Variants in UBTF observed in about 807,000 individuals in gnomAD.
UBTF encodes nucleolar transcription factor 1.
A neutral mutation model predicts 112.3 loss-of-function variants in UBTF; 8 were observed. The ratio of observed to expected loss-of-function variants is 0.07; its 90% confidence interval spans 0.04 to 0.13. The LOEUF (loss-of-function observed/expected upper bound fraction) is 0.13, where lower values mean the gene tolerates loss of function less well. UBTF is among the 10% of genes least tolerant of loss of function. UBTF has a pLI of 1.00. For synonymous variants in UBTF, 417 were observed against 373.1 expected (o/e 1.12, Z -1.36); for missense variants, 457 against 982.1 (o/e 0.47, Z 7.15).
At chr17:44,209,093 T>TTTTTTA in intron 17 of UBTF, 1 of 379,490 alleles carries the variant, frequency 2.6e-6, no homozygotes, top group South Asian at 3.1e-5. Flanking sequence ...CGCTTGAACC[T>TTTTTTA]GGGAGGTGGA....
intron 8 of UBTF, 55 bp from the exon 9 acceptor site, chr17:44,212,061 A>C: frequency 1.1e-6 from 1 of 916,364 alleles, no homozygotes; most frequent in Non-Finnish European, 1.6e-6. Flanking sequence ...TAGCTAGGGC[A>C]GGGGCAGGGG....
Position 44,206,389 on chromosome 17 carries a change from T to C in UBTF, c.*853A>G, listed in dbSNP as rs1448738832. The C allele has an allele frequency of 6.8e-6, 1 of 147,752 alleles. No individual in the cohort carries two copies. Among genetic ancestry groups the C allele is most frequent in the East Asian group, 2.0e-4 (1 of 4,978 alleles). The allele number at this position is 147,752 out of a possible 1,614,324, so 9.2% of individuals were successfully genotyped here. A position where few individuals can be genotyped will look rare whatever the true frequency, so the allele number is the denominator to read the frequency against. On this transcript the variant is annotated 3_prime_UTR_variant, in exon 21 of 21. Coordinates refer to ENST00000436088, the MANE Select transcript of UBTF (RefSeq NM_014233.4). ...TTTTTCCAGATTCACAACAAACTGA[T>C]GTGGGCTCTAGGACAGACCCCTTTA... is the stretch of plus-strand genomic sequence containing the variant.
chr17:44,207,535 A>T lies in UBTF; in HGVS notation c.2088T>A (p.Asp696Glu). The stretch of plus-strand genomic sequence containing the variant: ...CTTCAGAGGAGTCCCCATTCTCATC[A>T]TCTTCCTCTTCTTCATCCTCGTCCT... ...DDEDEDEEEE[D>E]DENGDSSEDG... is the part of the protein sequence containing the mutation. The change falls in exon 20 of 21, where the codon GAT becomes GAA. Residue 696 changes from aspartate (D) to glutamate (E), a missense_variant. Around this residue, in one of 7 missense-constraint regions of UBTF, gnomAD observed 139 missense variants for 157.5 expected, o/e 0.88. Transcript: ENST00000436088. The T allele has an allele frequency of 6.2e-7, 1 of 1,613,684 alleles. No individual in the cohort carries two copies. Among genetic ancestry groups the T allele is most frequent in the East Asian group, 2.2e-5 (1 of 44,844 alleles).
At position 44,209,740 on chromosome 17, in the gene UBTF, G is replaced by A. The variant is rs2056528187; in HGVS notation, c.1627-7C>T. 1 of 1,613,870 alleles carries A rather than the reference G, an allele frequency of 6.2e-7. No homozygotes were observed. Among genetic ancestry groups the A allele is most frequent in the Non-Finnish European group, 8.5e-7 (1 of 1,179,916 alleles). ...GCATCTCACTCAGCTCTCTCTGGAG[G>A]GAGAAAGGTCACGCTCACCCCCCAG... On this transcript the variant is annotated splice_region_variant and splice_polypyrimidine_tract_variant and intron_variant, in intron 15 of 20. Transcript: ENST00000436088.
chr17:44,219,258 C>A (rs182657248), intron 1 of UBTF, 187 bp downstream of exon 1: 3,333 of 151,156 alleles, frequency 0.022, 69 homozygotes, highest in East Asian at 0.059. Context: ...CGGGGCTCGG[C>A]TCAGGCCTCG....
intron 17 of UBTF, among the ~76,000 whole-genome samples, chr17:44,208,194 C>T (rs912810624): frequency 6.7e-6 from 1 of 150,154 alleles, no homozygotes; most frequent in South Asian, 2.1e-4. Flanking sequence ...CCTTGACCTT[C>T]CCAGGCTCAA....
At chr17:44,214,677 C>T (rs1282805124) in intron 5 of UBTF, among the ~76,000 whole-genome samples, 1 of 152,148 alleles carries the variant, frequency 6.6e-6, no homozygotes, top group Non-Finnish European at 1.5e-5. Flanking sequence ...GCACCAAGGG[C>T]ATGTGAGTCT....
At chr17:44,218,995 A>G (rs931768901) in intron 1 of UBTF, 2 of 84,362 alleles carry the variant, frequency 2.4e-5, no homozygotes, top group Admixed American at 3.0e-4. Context: ...CCGCCCAGCC[A>G]CCCCGACGCG....
At position 44,205,649 on chromosome 17, in the gene UBTF, C is replaced by T. The variant is rs541295042; in HGVS notation, c.*1593G>A. The stretch of plus-strand genomic sequence containing the variant: ...GCCTCTCTGGGACCAGGGCCCTTCA[C>T]CGTTCTTGCTCCACCTCCGCGGCAG... On this transcript the variant is annotated 3_prime_UTR_variant, in exon 21 of 21. Coordinates refer to ENST00000436088, the MANE Select transcript of UBTF (RefSeq NM_014233.4). The T allele has an allele frequency of 6.6e-6, 1 of 152,174 alleles. No homozygotes were observed. Among genetic ancestry groups the T allele is most frequent in the Non-Finnish European group, 1.5e-5 (1 of 68,038 alleles). The allele number at this position is 152,174 out of a possible 1,614,324, so 9.4% of individuals were successfully genotyped here.
chr17:44,218,312 C>G lies in UBTF; in HGVS notation c.-67-16G>C, dbSNP rs1314596116. The G allele has an allele frequency of 1.4e-6, 2 of 1,478,342 alleles. No homozygotes were observed. Among genetic ancestry groups the G allele is most frequent in the East Asian group, 4.5e-5 (2 of 44,234 alleles). 91.6% of individuals were successfully genotyped at this position (1,478,342 alleles called of 1,614,324 possible). A position where few individuals can be genotyped will look rare whatever the true frequency, so the allele number is the denominator to read the frequency against. On this transcript the variant is annotated splice_polypyrimidine_tract_variant and intron_variant, in intron 1 of 20. Transcript: ENST00000436088. ...CCACCTCACCCTTTGGAAGACATAC[C>G]AGTTCCCACTCAGGAAGGCTGAGAG...
rs1451055087 is a variant in UBTF at position 44,214,738 on chromosome 17, G to A, written c.474+916C>T. Among the ~76,000 whole-genome samples the A allele has an allele frequency of 3.9e-5, 6 of 152,134 alleles. No individual in the cohort carries two copies. The South Asian group carries it at 6.2e-4, about 16-fold the overall frequency. ...AAAGGGCTACTCATAGCATGGCAGC[G>A]GCCAGTGCCCCCTTTTGAGAACTGG... is the stretch of plus-strand genomic sequence containing the variant. On this transcript the variant is annotated intron_variant, in intron 5 of 20. Coordinates refer to ENST00000436088, the MANE Select transcript of UBTF (RefSeq NM_014233.4).
chr17:44,218,092 C>T, intron 2 of UBTF, 80 bp downstream of exon 2: 9 of 1,418,818 alleles, frequency 6.3e-6, no homozygotes, highest in Non-Finnish European at 8.0e-6. Flanking sequence ...CTGAAAAAGC[C>T]CTTGAAGAAG....
rs1209166400 is a variant in UBTF, at chr17:44,215,945, C to T, written c.279G>A (p.Gln93=). Residue 93 remains glutamine (Q), a synonymous_variant, in exon 4 of 21, where the codon CAG becomes CAA. Coordinates refer to ENST00000436088, the MANE Select transcript of UBTF (RefSeq NM_014233.4). ...RTLTELILDA[Q]EHVKNPYKGK... The stretch of plus-strand genomic sequence containing the variant: ...CTTTGTAAGGATTTTTAACATGTTC[C>T]TGAGCATCGAGGATCAATTCTGTCA... 4 of 1,613,940 alleles carry T rather than the reference C, an allele frequency of 2.5e-6. No homozygotes were observed. Among genetic ancestry groups the T allele is most frequent in the Middle Eastern group, 1.6e-4 (1 of 6,084 alleles).
Position 44,205,133 on chromosome 17 carries a change from C to A in UBTF, c.*2109G>T, listed in dbSNP as rs1433518023. The A allele has an allele frequency of 6.6e-6, 1 of 152,646 alleles. No homozygotes were observed. The highest frequency in any genetic ancestry group is 6.5e-5 in the Admixed American group (1 of 15,288). 9.5% of individuals were successfully genotyped at this position (152,646 alleles called of 1,614,324 possible). ...GACACCTCTAAGCCACTCCCTCCCA[C>A]CTCCCATGATACAAATTCAAGTTGT... On this transcript the variant is annotated 3_prime_UTR_variant, in exon 21 of 21. Transcript: ENST00000436088.
rs2047049260 is a variant in UBTF, at chr17:44,219,415, CCAGCGCGCGTCCT to C, written c.-68+17_-68+29del. 9 of 151,578 alleles carry C rather than the reference CCAGCGCGCGTCCT, an allele frequency of 5.9e-5. No individual in the cohort carries two copies. The highest frequency in any genetic ancestry group is 5.9e-4 in the Admixed American group (9 of 15,214). The allele number at this position is 151,578 out of a possible 1,614,324, so 9.4% of individuals were successfully genotyped here. On this transcript the variant is annotated intron_variant, in intron 1 of 20. Coordinates refer to ENST00000436088, the MANE Select transcript of UBTF (RefSeq NM_014233.4). ...TCGCTCCCGCCGTCCGGCCCCGACC[CCAGCGCGCGTCCT>C]CAGCCGCCTCGGTTACCCGGCGCAG...
At chr17:44,213,961 TCCC>T (rs1012546507) in intron 5 of UBTF, among the ~76,000 whole-genome samples, 9 of 151,574 alleles carry the variant, frequency 5.9e-5, no homozygotes, top group Non-Finnish European at 1.2e-4. Context: ...TGGCTTCCCT[TCCC>T]TTCATCACCC....
intron 5 of UBTF, chr17:44,215,257 C>T: frequency 5.7e-6 from 1 of 174,924 alleles, no homozygotes; most frequent in South Asian, 1.3e-4. Flanking sequence ...CTGGGATAAC[C>T]TTTTCCTAGG....
rs1386170926 is a variant in UBTF at position 44,207,898 on chromosome 17, T to C, written c.1919A>G (p.Gln640Arg). ...LDLWVKSLSPQDRAAYKEYIS... is the reference protein window; with the variant it reads ...LDLWVKSLSPRDRAAYKEYIS... The stretch of plus-strand genomic sequence containing the variant: ...GTACTCTTTATATGCTGCACGGTCC[T>C]GGGGAGACAGGCTCTGGGGGAGACA... The change falls in exon 18 of 21, where the codon CAG (glutamine) becomes CGG (arginine). Residue 640 changes from glutamine to arginine, a missense_variant. By Grantham distance (43) the Gln-to-Arg change is conservative. Transcript: ENST00000436088. The C allele has an allele frequency of 1.9e-6, 3 of 1,613,766 alleles. No homozygotes were observed. Among genetic ancestry groups the C allele is most frequent in the Non-Finnish European group, 2.5e-6 (3 of 1,180,006 alleles).
At chr17:44,210,029 A>T in intron 15 of UBTF, 95 bp downstream of exon 15, 1 of 1,303,164 alleles carries the variant, frequency 7.7e-7, no homozygotes, top group Non-Finnish European at 1.1e-6. Flanking sequence ...GCTGAGAGTC[A>T]CAGACCAAGG....
Sources: allele counts gnomAD v4.1 joint callset (sites outside exome capture counted in the v4.1 genomes callset), GRCh38; gene constraint gnomAD v4.1.1; regional missense constraint gnomAD v4.1.1; transcripts MANE v1.5; gene names NCBI Gene and HGNC (gene_info 2026-07-23, HGNC 2026-07-21).